MACROD2: variants seen among roughly 807,000 people sequenced by gnomAD.
The protein encoded by MACROD2 is mono-ADP ribosylhydrolase 2.
In MACROD2, 36 loss-of-function variants were observed where a neutral mutation model predicts 70.4. The ratio of observed to expected loss-of-function variants is 0.51; its 90% CI spans 0.39 to 0.68. The LOEUF (loss-of-function observed/expected upper bound fraction) is 0.68, where lower values mean the gene tolerates loss of function less well. MACROD2 is among the 30% of genes least tolerant of loss of function. The pLI is 0.00. For missense variants in MACROD2, 496 were observed against 538.4 expected, an observed-to-expected ratio of 0.92 and a Z score of 0.78; for synonymous variants, 172 against 178.8, an observed-to-expected ratio of 0.96 and a Z score of 0.30.
At chr20:15,307,268 A>G (rs1045699690) in intron 6 of MACROD2, among the ~76,000 whole-genome samples, 15 of 152,190 alleles carry the variant, frequency 9.9e-5, no homozygotes, top group Admixed American at 3.3e-4. Context: ...CTCTGAAGCT[A>G]TAGATTTGCT....
At chr20:15,842,351 G>A (rs2191517) in intron 8 of MACROD2, among the ~76,000 whole-genome samples, 131,416 of 151,874 alleles carry the variant, frequency 0.87, 57,144 homozygotes, top group East Asian at 0.99. Flanking sequence ...TTCATATTAC[G>A]CCCATTTATT....
At chr20:14,557,156 T>C (rs1979088547) in intron 4 of MACROD2, among the ~76,000 whole-genome samples, 1 of 151,886 alleles carries the variant, frequency 6.6e-6, no homozygotes, top group Non-Finnish European at 1.5e-5. Flanking sequence ...TGGTACTGGG[T>C]TAACTGGATA....
intron 3 of MACROD2, among the ~76,000 whole-genome samples, chr20:14,283,508 T>G (rs1006457133): frequency 2.6e-5 from 4 of 152,236 alleles, no homozygotes; most frequent in Admixed American, 6.5e-5. Context: ...GGTTTTGCAC[T>G]TACAGGTTAT....
At chr20:15,342,986 G>A (rs1568735234) in intron 6 of MACROD2, among the ~76,000 whole-genome samples, 1 of 152,146 alleles carries the variant, frequency 6.6e-6, no homozygotes, top group Non-Finnish European at 1.5e-5. Flanking sequence ...ACCTCCCTTG[G>A]AGGGATGTTG....
At chr20:14,548,837 A>G (rs546927313) in intron 4 of MACROD2, among the ~76,000 whole-genome samples, 1 of 152,148 alleles carries the variant, frequency 6.6e-6, no homozygotes, top group East Asian at 1.9e-4. Context: ...TGGGAGAAGT[A>G]AAAAAGGGAA....
At chr20:15,584,423 T>A (rs1238741959) in intron 8 of MACROD2, among the ~76,000 whole-genome samples, 1 of 152,202 alleles carries the variant, frequency 6.6e-6, no homozygotes, top group Non-Finnish European at 1.5e-5. Context: ...TAATTAAGCA[T>A]CTATTTTCAT....
chr20:15,062,089 C>T (rs1338109853), intron 5 of MACROD2, among the ~76,000 whole-genome samples: 1 of 152,114 alleles, frequency 6.6e-6, no homozygotes, highest in African/African-American at 2.4e-5. Context: ...GCTAACATAC[C>T]TTATATTTGC....
At chr20:14,858,534 G>T (rs2073280025) in intron 5 of MACROD2, among the ~76,000 whole-genome samples, 1 of 152,046 alleles carries the variant, frequency 6.6e-6, no homozygotes, top group African/African-American at 2.4e-5. Context: ...TATGATTTTG[G>T]AATGATACAG....
At chr20:14,817,834 A>T (rs1014584697) in intron 5 of MACROD2, among the ~76,000 whole-genome samples, 3 of 152,138 alleles carry the variant, frequency 2.0e-5, no homozygotes, top group Admixed American at 6.5e-5. Flanking sequence ...TTTGAAGAAG[A>T]TGTGATGTCC....
intron 15 of MACROD2, among the ~76,000 whole-genome samples, chr20:15,996,759 T>C (rs937547151): frequency 3.3e-5 from 5 of 152,290 alleles, no homozygotes; most frequent in African/African-American, 1.2e-4. Context: ...TTTGATGTCA[T>C]GTCCAAAAAA....
At chr20:15,671,106 C>T (rs1041016830) in intron 8 of MACROD2, among the ~76,000 whole-genome samples, 4 of 152,124 alleles carry the variant, frequency 2.6e-5, no homozygotes, top group Non-Finnish European at 5.9e-5. Context: ...GTCAGCCAGT[C>T]CCTTAGCTGG....
rs914078271 is a variant in MACROD2 at position 15,199,563 on chromosome 20, G to A, written c.419-30377G>A. Among the ~76,000 whole-genome samples the A allele has an allele frequency of 8.5e-5, 13 of 152,174 alleles. No homozygotes were observed. In the South Asian group the frequency reaches 1.7e-3, roughly 19 times the overall value. On this transcript the variant is annotated intron_variant, in intron 5 of 17. Transcript: ENST00000684519. ...CAATTCCTGGCAGTGGTAAAGAGCC[G>A]TTAAATGACTTTGTTATAATTGTTA...
chr20:14,637,233 T>G (rs1984832907), intron 4 of MACROD2, among the ~76,000 whole-genome samples: 1 of 152,156 alleles, frequency 6.6e-6, no homozygotes. Flanking sequence ...GATTTACATG[T>G]GTCTAACAGT....
At chr20:15,774,641 C>T (rs950560156) in intron 8 of MACROD2, among the ~76,000 whole-genome samples, 1 of 152,076 alleles carries the variant, frequency 6.6e-6, no homozygotes, top group African/African-American at 2.4e-5. Context: ...CTGAGGAGCA[C>T]TGGCCAGGGA....
intron 9 of MACROD2, among the ~76,000 whole-genome samples, chr20:15,871,463 T>C: frequency 6.6e-6 from 1 of 152,234 alleles, no homozygotes; most frequent in Non-Finnish European, 1.5e-5. Context: ...GCCTACTATG[T>C]TCCCAAGGCT....
chr20:14,332,151 A>C (rs2082854256), intron 3 of MACROD2, among the ~76,000 whole-genome samples: 1 of 152,156 alleles, frequency 6.6e-6, no homozygotes, highest in African/African-American at 2.4e-5. Context: ...TCAAATTTTT[A>C]ATAGGGATCC....
At chr20:14,481,086 A>G (rs1162129219) in intron 3 of MACROD2, among the ~76,000 whole-genome samples, 1 of 152,222 alleles carries the variant, frequency 6.6e-6, no homozygotes, top group East Asian at 1.9e-4. Context: ...ACTTAGGACA[A>G]ATGAAAACAT....
chr20:14,582,344 C>G, intron 4 of MACROD2, among the ~76,000 whole-genome samples: 1 of 151,928 alleles, frequency 6.6e-6, no homozygotes, highest in Non-Finnish European at 1.5e-5. Context: ...TGGAAAAGAG[C>G]CCTATCCCCA....
chr20:14,713,140 C>G (rs184618789), intron 5 of MACROD2, among the ~76,000 whole-genome samples: 1 of 152,056 alleles, frequency 6.6e-6, no homozygotes, highest in Admixed American at 6.6e-5. Flanking sequence ...TGTGAAAATG[C>G]GTGCATGGGT....
Sources: allele counts gnomAD v4.1 joint callset (sites outside exome capture counted in the v4.1 genomes callset), GRCh38; gene constraint gnomAD v4.1.1; transcripts MANE v1.5; gene names NCBI Gene and HGNC (gene_info 2026-07-23, HGNC 2026-07-21).